CNTN4: variants seen among roughly 807,000 people sequenced by gnomAD.
CNTN4 encodes the protein contactin-4.
In CNTN4, 77 loss-of-function variants were observed where a neutral mutation model predicts 122.5. That is an observed-to-expected ratio of 0.63 (90% confidence interval 0.52 to 0.76). CNTN4 has a LOEUF of 0.76. Among genes scored for constraint, CNTN4 ranks in the 30% least tolerant of loss-of-function variants. CNTN4 has a pLI of 0.00. For missense variants in CNTN4, 1,256 were observed against 1,259.1 expected, an observed-to-expected ratio of 1.00 and a Z score of 0.04; for synonymous variants, 512 against 447.0, an observed-to-expected ratio of 1.15 and a Z score of -1.83.
chr3:2,111,341 A>G (rs1217181725), intron 2 of CNTN4, among the ~76,000 whole-genome samples: 2 of 152,196 alleles, frequency 1.3e-5, no homozygotes, highest in Non-Finnish European at 2.9e-5. Context: ...TCTTTTAAAC[A>G]TTAGTATTTT....
chr3:3,026,075 A>G (rs762623823), intron 14 of CNTN4, 27 bp from the exon 15 acceptor site: 1 of 1,600,962 alleles, frequency 6.2e-7, no homozygotes, highest in Non-Finnish European at 8.6e-7. Flanking sequence ...TGTTGTTGTT[A>G]TTGTTTGTTT....
chr3:2,686,377 A>C (rs1417078948), intron 4 of CNTN4, among the ~76,000 whole-genome samples: 1 of 152,064 alleles, frequency 6.6e-6, no homozygotes, highest in Non-Finnish European at 1.5e-5. Flanking sequence ...AAAGGCAGTG[A>C]CCACGTCACC....
At chr3:2,660,050 C>G (rs2083802957) in intron 4 of CNTN4, among the ~76,000 whole-genome samples, 1 of 152,136 alleles carries the variant, frequency 6.6e-6, no homozygotes, top group African/African-American at 2.4e-5. Context: ...TGGCAAATCT[C>G]TATTTCCTCC....
At chr3:2,687,850 A>G (rs910463266) in intron 4 of CNTN4, among the ~76,000 whole-genome samples, 2 of 152,116 alleles carry the variant, frequency 1.3e-5, no homozygotes, top group South Asian at 4.1e-4. Flanking sequence ...TCATTTTACA[A>G]ATGGAGAGAA....
chr3:2,816,713 CA>C (rs1279408307), intron 6 of CNTN4, among the ~76,000 whole-genome samples: 1 of 150,078 alleles, frequency 6.7e-6, no homozygotes, highest in African/African-American at 2.4e-5. Flanking sequence ...CCCAGCTACT[CA>C]GGAGGCTGAG....
At chr3:2,403,849 T>G (rs946512134) in intron 3 of CNTN4, among the ~76,000 whole-genome samples, 1 of 152,184 alleles carries the variant, frequency 6.6e-6, no homozygotes, top group Non-Finnish European at 1.5e-5. Context: ...TTTAAGAGTT[T>G]TTAATTTCAA....
At chr3:2,291,022 G>A (rs1368125928) in intron 2 of CNTN4, among the ~76,000 whole-genome samples, 1 of 151,994 alleles carries the variant, frequency 6.6e-6, no homozygotes, top group South Asian at 2.1e-4. Flanking sequence ...TATATATATT[G>A]AGTGTCTTGG....
rs371810497 is a variant in CNTN4, at chr3:2,975,691, C to A, written c.1359-12654C>A. Reference sequence around the variant, plus strand: ...AGCTGCACTTTGTTATTAAACTATTCTTTTACAAGCTACTCTGCTGTTCTG... The same window carrying A: ...AGCTGCACTTTGTTATTAAACTATTATTTTACAAGCTACTCTGCTGTTCTG... On this transcript the variant is annotated intron_variant, in intron 13 of 24. Coordinates refer to ENST00000418658, the MANE Select transcript of CNTN4 (RefSeq NM_175607.3). Among the ~76,000 whole-genome samples, 38 of 152,178 alleles carry A rather than the reference C, an allele frequency of 2.5e-4. No homozygotes were observed. In the South Asian group the frequency reaches 7.9e-3, roughly 32 times the overall value.
At chr3:2,153,579 G>A (rs564338520) in intron 2 of CNTN4, among the ~76,000 whole-genome samples, 3 of 152,246 alleles carry the variant, frequency 2.0e-5, no homozygotes, top group Admixed American at 6.5e-5. Flanking sequence ...AGGAGTTTGT[G>A]GGAAGGAGAC....
At chr3:2,120,353 A>G (rs1242871192) in intron 2 of CNTN4, among the ~76,000 whole-genome samples, 1 of 43,902 alleles carries the variant, frequency 2.3e-5, no homozygotes, top group Non-Finnish European at 4.7e-5. Flanking sequence ...CATTTAGGTT[A>G]TATATATATA....
chr3:2,508,690 C>T (rs1231593591), intron 3 of CNTN4, among the ~76,000 whole-genome samples: 1 of 152,180 alleles, frequency 6.6e-6, no homozygotes, highest in African/African-American at 2.4e-5. Context: ...AAAACAATCT[C>T]TGTATACATT....
chr3:2,405,183 T>C (rs186886488), intron 3 of CNTN4, among the ~76,000 whole-genome samples: 1 of 152,276 alleles, frequency 6.6e-6, no homozygotes, highest in East Asian at 1.9e-4. Context: ...AGGAATTGTT[T>C]GGGGGAGTAA....
chr3:2,991,465 A>G (rs905387992), intron 14 of CNTN4, among the ~76,000 whole-genome samples: 2 of 152,104 alleles, frequency 1.3e-5, no homozygotes, highest in Admixed American at 1.3e-4. Flanking sequence ...AGGTGGGGGA[A>G]AAAAGTTTTA....
rs1275428296 is a variant in CNTN4 at position 2,745,640 on chromosome 3, A to G, written c.301A>G (p.Thr101Ala). ...CCAAGATGCTGGAACGTACCAGTGC[A>G]CAGCGACAAACTCGTTTGGAACAAT... Reference protein sequence around the residue: ...KTQDAGTYQCTATNSFGTIVS... With the variant: ...KTQDAGTYQCAATNSFGTIVS... Residue 101 changes from threonine to alanine, a missense_variant, in exon 6 of 25, where the codon ACA becomes GCA. Thr to Ala is a moderately conservative substitution (Grantham distance 58). Coordinates refer to ENST00000418658, the MANE Select transcript of CNTN4 (RefSeq NM_175607.3). The G allele has an allele frequency of 8.7e-6, 14 of 1,614,012 alleles. No individual in the cohort carries two copies. The highest frequency in any genetic ancestry group is 1.1e-5 in the Non-Finnish European group (13 of 1,179,962).
intron 7 of CNTN4, among the ~76,000 whole-genome samples, chr3:2,862,544 A>G (rs1460360622): frequency 6.6e-6 from 1 of 152,204 alleles, no homozygotes; most frequent in Non-Finnish European, 1.5e-5. Flanking sequence ...TTCACAATCC[A>G]TTTAATATGT....
chr3:2,996,184 A>G (rs1180666446), intron 14 of CNTN4, among the ~76,000 whole-genome samples: 1 of 152,130 alleles, frequency 6.6e-6, no homozygotes, highest in African/African-American at 2.4e-5. Flanking sequence ...AATTTTTAAT[A>G]TATATTCATG....
intron 10 of CNTN4, among the ~76,000 whole-genome samples, chr3:2,889,335 C>T (rs1406211650): frequency 3.3e-5 from 5 of 152,266 alleles, no homozygotes; most frequent in East Asian, 1.9e-4. Context: ...TTTTATCATT[C>T]GTCTGTCTTC....
chr3:2,502,762 A>G (rs2076630779), intron 3 of CNTN4, among the ~76,000 whole-genome samples: 1 of 152,174 alleles, frequency 6.6e-6, no homozygotes, highest in South Asian at 2.1e-4. Context: ...GAACTGACTT[A>G]TCTGAGGACA....
chr3:2,582,489 AG>A (rs761966751), intron 4 of CNTN4, among the ~76,000 whole-genome samples: 5 of 147,636 alleles, frequency 3.4e-5, no homozygotes, highest in African/African-American at 5.0e-5. Context: ...GGCGGCGGGG[AG>A]GGGCAGTCAC....
Sources: gnomAD v4.1 joint callset for allele counts (sites outside exome capture counted in the v4.1 genomes callset) on GRCh38, gnomAD v4.1.1 for gene constraint, MANE v1.5 for transcripts, NCBI Gene and HGNC (gene_info 2026-07-23, HGNC 2026-07-21) for gene names.